CSTPP1: variants seen among roughly 807,000 people sequenced by gnomAD.
CSTPP1 encodes centriolar satellite-associated tubulin polyglutamylase complex regulator 1.
the CSTPP1 span, among the ~76,000 whole-genome samples, chr11:46,963,238 A>G: frequency 3.9e-5 from 6 of 151,932 alleles, no homozygotes; most frequent in South Asian, 1.0e-3. Flanking sequence ...ATCAAGTACA[A>G]TGTTAACTGG....
the CSTPP1 span, among the ~76,000 whole-genome samples, chr11:47,095,366 A>G: frequency 6.6e-6 from 1 of 152,230 alleles, no homozygotes; most frequent in Non-Finnish European, 1.5e-5. Context: ...TCCAGTCAAA[A>G]GGAAAAATAC....
At chr11:47,135,709 T>C in the CSTPP1 span, among the ~76,000 whole-genome samples, 1 of 152,228 alleles carries the variant, frequency 6.6e-6, no homozygotes, top group Admixed American at 6.5e-5. Context: ...TTCATTAATC[T>C]CTTTATCTGA....
chr11:47,033,676 T>C, the CSTPP1 span, among the ~76,000 whole-genome samples: 3 of 152,230 alleles, frequency 2.0e-5, no homozygotes, highest in East Asian at 5.8e-4. Flanking sequence ...AGGAATCTAT[T>C]GTTTGGGGCT....
chr11:47,116,110 A>G, the CSTPP1 span, among the ~76,000 whole-genome samples: 1 of 152,236 alleles, frequency 6.6e-6, no homozygotes, highest in East Asian at 1.9e-4. Context: ...TTCAGTTTCC[A>G]TGTAGTTGTG....
chr11:47,138,412 A>G, the CSTPP1 span, among the ~76,000 whole-genome samples: 1 of 152,206 alleles, frequency 6.6e-6, no homozygotes, highest in Non-Finnish European at 1.5e-5. Flanking sequence ...AAGCCTAACC[A>G]TATCAGGGGG....
chr11:47,104,721 C>T, the CSTPP1 span, among the ~76,000 whole-genome samples: 3 of 152,158 alleles, frequency 2.0e-5, no homozygotes, highest in Non-Finnish European at 4.4e-5. Flanking sequence ...GTATGAGGTA[C>T]CAATGGCTCT....
the CSTPP1 span, among the ~76,000 whole-genome samples, chr11:47,007,037 ACT>A: frequency 1.0e-5 from 1 of 97,640 alleles, no homozygotes; most frequent in Non-Finnish European, 1.9e-5. Flanking sequence ...ACAGAGTCTC[ACT>A]CTGTCACCCA....
chr11:46,992,481 A>G, the CSTPP1 span, among the ~76,000 whole-genome samples: 1 of 147,116 alleles, frequency 6.8e-6, no homozygotes, highest in East Asian at 2.0e-4. Flanking sequence ...GAGTGAGAAC[A>G]TGCGGTGTTT....
At chr11:47,145,536 C>G in the CSTPP1 span, among the ~76,000 whole-genome samples, 2 of 152,202 alleles carry the variant, frequency 1.3e-5, no homozygotes, top group African/African-American at 4.8e-5. Flanking sequence ...TGCTTGAACC[C>G]GGGAGGCAGA....
At chr11:47,056,948 T>C in the CSTPP1 span, among the ~76,000 whole-genome samples, 4 of 152,158 alleles carry the variant, frequency 2.6e-5, no homozygotes, top group Non-Finnish European at 4.4e-5. Flanking sequence ...TTCTGGGAGG[T>C]AGCAAAACAA....
the CSTPP1 span, among the ~76,000 whole-genome samples, chr11:46,998,087 C>T: frequency 2.6e-5 from 4 of 152,294 alleles, no homozygotes; most frequent in Admixed American, 2.6e-4. Flanking sequence ...CTCTTCAAAG[C>T]TCCGTTGGAA....
the CSTPP1 span, among the ~76,000 whole-genome samples, chr11:46,937,182 T>G: frequency 6.6e-6 from 1 of 152,306 alleles, no homozygotes; most frequent in East Asian, 1.9e-4. Context: ...GAACCTCAAG[T>G]GCCAAATCAG....
At chr11:47,103,538 C>T in the CSTPP1 span, among the ~76,000 whole-genome samples, 1 of 152,076 alleles carries the variant, frequency 6.6e-6, no homozygotes, top group East Asian at 1.9e-4. Context: ...TTCCTTCCAC[C>T]TTTCTCATAT....
the CSTPP1 span, among the ~76,000 whole-genome samples, chr11:47,059,229 A>G: frequency 2.0e-5 from 3 of 152,196 alleles, no homozygotes; most frequent in Non-Finnish European, 4.4e-5. Flanking sequence ...GTTAGAGGGC[A>G]GGTCAATAGT....
At chr11:47,101,202 G>GTTTTTTT in the CSTPP1 span, among the ~76,000 whole-genome samples, 175 of 32,928 alleles carry the variant, frequency 5.3e-3, no homozygotes, top group Non-Finnish European at 7.1e-3. Context: ...TTTATTTTTA[G>GTTTTTTT]TAGAGATGGG....
the CSTPP1 span, among the ~76,000 whole-genome samples, chr11:47,012,159 G>T: frequency 6.6e-6 from 1 of 151,696 alleles, no homozygotes; most frequent in Non-Finnish European, 1.5e-5. Flanking sequence ...TATAGTCCCA[G>T]CTACTCAGGG....
chr11:47,134,832 T>G, the CSTPP1 span, among the ~76,000 whole-genome samples: 2 of 152,118 alleles, frequency 1.3e-5, no homozygotes, highest in Non-Finnish European at 2.9e-5. Flanking sequence ...TTTAGGTGTT[T>G]AAGTGTCCAA....
chr11:47,088,544 A>ATATT, the CSTPP1 span, among the ~76,000 whole-genome samples: 7 of 152,126 alleles, frequency 4.6e-5, no homozygotes, highest in South Asian at 2.1e-4. Flanking sequence ...AATTTTAGTA[A>ATATT]TATTTATTTA....
chr11:46,977,364 T>C, the CSTPP1 span, among the ~76,000 whole-genome samples: 3,366 of 152,364 alleles, frequency 0.022, 72 homozygotes, highest in South Asian at 0.12. Context: ...TCTCTTGTGA[T>C]GTCTGTGAAA....
Sources: allele counts gnomAD v4.1 joint callset (sites outside exome capture counted in the v4.1 genomes callset), GRCh38; gene constraint gnomAD v4.1.1; transcripts MANE v1.5; gene names NCBI Gene and HGNC (gene_info 2026-07-23, HGNC 2026-07-21).